Variants in CYP4A22 observed in about 807,000 individuals in gnomAD.
CYP4A22 encodes cytochrome P450 family 4 subfamily A member 22.
A neutral mutation model predicts 56.2 loss-of-function variants in CYP4A22; 46 were observed. That is an observed-to-expected ratio of 0.82 (90% confidence interval 0.65 to 1.05). CYP4A22 has a LOEUF of 1.05. Among genes scored for constraint, CYP4A22 ranks in the 50% least tolerant of loss-of-function variants. The pLI is 0.00. For synonymous variants in CYP4A22, 193 were observed against 251.1 expected (o/e 0.77, Z 2.19); for missense variants, 541 against 645.9 (o/e 0.84, Z 1.76).
chr1:47,141,006 G>C lies in CYP4A22; in HGVS notation c.337+85G>C, dbSNP rs1645003071. 38 of 1,564,058 alleles carry C rather than the reference G, an allele frequency of 2.4e-5. 1 individual carries two copies. The South Asian group carries it at 4.6e-4, about 19-fold the overall frequency. ...GTCTGTAAAATTCCAGAAGAGAGTG[G>C]CTGTTCAAACATCAATATCTGAAAC... On this transcript the variant is annotated intron_variant, in intron 2 of 11. Transcript: ENST00000371891.
chr1:47,137,753 A>C, intron 1 of CYP4A22, 73 bp downstream of exon 1: 1 of 1,528,950 alleles, frequency 6.5e-7, no homozygotes, highest in Non-Finnish European at 8.8e-7. Flanking sequence ...CACAAAATCC[A>C]TAGAGCAAAG....
intron 2 of CYP4A22, 99 bp from the exon 3 acceptor site, chr1:47,141,472 T>C: frequency 7.1e-7 from 1 of 1,401,554 alleles, no homozygotes; most frequent in Non-Finnish European, 9.9e-7. Context: ...GTGACATGGG[T>C]CAAACTGCCA....
intron 11 of CYP4A22, chr1:47,147,234 A>T: frequency 1.0e-6 from 1 of 985,482 alleles, no homozygotes; most frequent in Non-Finnish European, 1.2e-6. Context: ...AGCATGAGGA[A>T]GTCCTTGTAA....
chr1:47,144,375 G>A lies in CYP4A22; in HGVS notation c.809G>A (p.Arg270Lys), dbSNP rs768203901. Residue 270 changes from arginine to lysine, a missense_variant, in exon 7 of 12, where the codon AGG becomes AAG. Around this residue, in one of 3 missense-constraint regions of CYP4A22, gnomAD observed 335 missense variants for 361.2 expected, o/e 0.93. Transcript: ENST00000371891. ...GGTACAGACCAAGTGATCCAACTGA[G>A]GAAGGCTCAACTACAGAAGGAGGGG... ...HQHTDQVIQL[R>K]KAQLQKEGEL... 5 of 1,613,970 alleles carry A rather than the reference G, an allele frequency of 3.1e-6. No homozygotes were observed. In the South Asian group the frequency reaches 5.5e-5, roughly 18 times the overall value.
At chr1:47,146,865 T>C in intron 11 of CYP4A22, 1 of 985,734 alleles carries the variant, frequency 1.0e-6, no homozygotes, top group Non-Finnish European at 1.2e-6. Flanking sequence ...GTAATCCACT[T>C]AGCACAATAT....
At chr1:47,146,460 C>G in intron 11 of CYP4A22, 1 of 1,204,764 alleles carries the variant, frequency 8.3e-7, no homozygotes, top group South Asian at 2.4e-5. Context: ...TATGAATTCT[C>G]AAAATTAGAT....
At chr1:47,138,005 C>T (rs1281280975) in intron 1 of CYP4A22, among the ~76,000 whole-genome samples, 1 of 152,170 alleles carries the variant, frequency 6.6e-6, no homozygotes. Context: ...TCTCAAAGAA[C>T]AAGGCTTCTA....
At position 47,144,471 on chromosome 1, in the gene CYP4A22, T is replaced by G. The variant is rs962790448; in HGVS notation, c.897+8T>G. ...ATCCTCCTCTTGGCCAAAGTGAGTA[T>G]GTGTAGGAGAGGCCTGAGTCTTTGC... On this transcript the variant is annotated splice_region_variant and intron_variant, in intron 7 of 11. Transcript: ENST00000371891. The G allele has an allele frequency of 2.5e-6, 4 of 1,613,866 alleles. No homozygotes were observed. Among genetic ancestry groups the G allele is most frequent in the Non-Finnish European group, 3.4e-6 (4 of 1,179,870 alleles).
At chr1:47,139,160 A>G (rs1644979362) in intron 1 of CYP4A22, among the ~76,000 whole-genome samples, 1 of 152,158 alleles carries the variant, frequency 6.6e-6, no homozygotes, top group African/African-American at 2.4e-5. Context: ...TGCTACCTGG[A>G]ATTATTTTCT....
rs369829008 is a variant in CYP4A22, at chr1:47,137,534, G to A, written c.49G>A (p.Gly17Arg). The stretch of plus-strand genomic sequence containing the variant: ...CAGCAGACGCCTGGGTGGTGTCTCC[G>A]GGATCCTCCAAGTGACCTCCCTGCT... ...SPSRRLGGVS[G>R]ILQVTSLLIL... The change falls in exon 1 of 12, where the codon GGG (glycine) becomes AGG (arginine). Residue 17 changes from glycine to arginine, a missense_variant. By Grantham distance (125) the Gly-to-Arg change is moderately radical. Coordinates refer to ENST00000371891, the MANE Select transcript of CYP4A22 (RefSeq NM_001010969.4). 24 of 1,614,120 alleles carry A rather than the reference G, an allele frequency of 1.5e-5. No individual in the cohort carries two copies. Among genetic ancestry groups the A allele is most frequent in the South Asian group, 4.4e-5 (4 of 91,074 alleles).
intron 10 of CYP4A22, 53 bp from the exon 11 acceptor site, chr1:47,146,024 G>A: frequency 1.2e-6 from 2 of 1,614,158 alleles, no homozygotes; most frequent in Non-Finnish European, 1.7e-6. Flanking sequence ...CCTCATGGGT[G>A]GCAAGTAGGT....
At chr1:47,137,825 C>T in intron 1 of CYP4A22, 145 bp downstream of exon 1, 2 of 1,378,694 alleles carry the variant, frequency 1.5e-6, no homozygotes, top group Non-Finnish European at 1.9e-6. Context: ...CTGGTTTCAG[C>T]TTGTCCCAGT....
rs569148380 is a variant in CYP4A22 at position 47,143,875 on chromosome 1, G to A, written c.749G>A (p.Arg250His). 65 of 1,613,864 alleles carry A rather than the reference G, an allele frequency of 4.0e-5. No homozygotes were observed. The highest frequency in any genetic ancestry group is 2.6e-4 in the South Asian group (24 of 91,034). Residue 250 changes from arginine to histidine, a missense_variant, in exon 6 of 12, where the codon CGC becomes CAC. Coordinates refer to ENST00000371891, the MANE Select transcript of CYP4A22 (RefSeq NM_001010969.4). ...DTIYSLTSAG[R>H]WTHRACQLAH... ...ATCTACAGCCTGACCTCTGCTGGCC[G>A]CTGGACACACCGCGCCTGCCAGCTG...
At chr1:47,147,136 T>A in intron 11 of CYP4A22, 1 of 985,452 alleles carries the variant, frequency 1.0e-6, no homozygotes, top group Non-Finnish European at 1.2e-6. Flanking sequence ...GAAATAATTA[T>A]GTGACTTCTT....
rs557036368 is a variant in CYP4A22, at chr1:47,138,664, C to A, written c.195+984C>A. 6.6e-5 allele frequency among the ~76,000 whole-genome samples: 10 copies of A among 152,238 alleles called. No individual in the cohort carries two copies. The East Asian group carries it at 1.5e-3, about 24-fold the overall frequency. On this transcript the variant is annotated intron_variant, in intron 1 of 11. Transcript: ENST00000371891. Reference sequence around the variant, plus strand: ...GAGCTCATCAGCTATCATTAGTGTTCGTGTATTTTATGCACGGCCCAAGAT... The same window carrying A: ...GAGCTCATCAGCTATCATTAGTGTTAGTGTATTTTATGCACGGCCCAAGAT...
At position 47,144,927 on chromosome 1, in the gene CYP4A22, C is replaced by G; in HGVS notation, c.1179C>G (p.Leu393=). 1 of 1,614,162 alleles carries G rather than the reference C, an allele frequency of 6.2e-7. No individual in the cohort carries two copies. The highest frequency in any genetic ancestry group is 8.5e-7 in the Non-Finnish European group (1 of 1,180,028). Residue 393 remains leucine, a synonymous_variant, in exon 9 of 12, where the codon CTC becomes CTG. Transcript: ENST00000371891. ...YPPVPGIGRE[L]STPVTFPDGR... is the part of the protein sequence containing the mutation. ...CGGTGCCAGGCATTGGAAGAGAGCT[C>G]AGCACTCCCGTCACCTTCCCTGATG...
At position 47,146,127 on chromosome 1, in the gene CYP4A22, T is replaced by C; in HGVS notation, c.1338T>C (p.Ala446=). The change falls in exon 11 of 12, where the codon GCT becomes GCC. Residue 446 remains alanine (A), a synonymous_variant. Transcript: ENST00000371891. ...FAPGSAQHSH[A]FLPFSGGSRN... The stretch of plus-strand genomic sequence containing the variant: ...CGGGTTCTGCTCAACACAGCCACGC[T>C]TTCCTGCCCTTCTCAGGAGGATCAA... 3.1e-6 allele frequency: 5 copies of C among 1,614,198 alleles called. No homozygotes were observed. The highest frequency in any genetic ancestry group is 4.2e-6 in the Non-Finnish European group (5 of 1,180,038).
At chr1:47,141,725 C>A in intron 3 of CYP4A22, 110 bp downstream of exon 3, 1 of 1,384,906 alleles carries the variant, frequency 7.2e-7, no homozygotes, top group Non-Finnish European at 9.9e-7. Flanking sequence ...ACCTCATCCC[C>A]AAATCAAGCC....
chr1:47,137,641 G>A lies in CYP4A22; in HGVS notation c.156G>A (p.Pro52=), dbSNP rs749049931. 6.2e-5 allele frequency: 100 copies of A among 1,613,518 alleles called. 1 individual carries two copies. The highest frequency in any genetic ancestry group is 8.8e-5 in the South Asian group (8 of 91,016). The change falls in exon 1 of 12, where the codon CCG becomes CCA. Residue 52 remains proline (P), a synonymous_variant. Coordinates refer to ENST00000371891, the MANE Select transcript of CYP4A22 (RefSeq NM_001010969.4). ...TGCTCAAAGCCCTCCAGCAGTTCCC[G>A]TGCCCTCCCTCCCACTGGCTCTTCG... ...QWLLKALQQF[P]CPPSHWLFGH... is the part of the protein sequence containing the mutation.
Sources: gnomAD v4.1 joint callset for allele counts (sites outside exome capture counted in the v4.1 genomes callset) on GRCh38, gnomAD v4.1.1 for gene constraint, gnomAD v4.1.1 regional missense constraint, MANE v1.5 for transcripts, NCBI Gene and HGNC (gene_info 2026-07-23, HGNC 2026-07-21) for gene names.